Variants in RBFOX3 observed in about 807,000 individuals in gnomAD.
RBFOX3 encodes RNA binding protein fox-1 homolog 3.
A neutral mutation model predicts 48.7 loss-of-function variants in RBFOX3; 17 were observed. That is an observed-to-expected ratio of 0.35 (90% CI 0.24 to 0.52). RBFOX3 has a LOEUF of 0.52. Ranked by LOEUF, RBFOX3 falls within the 20% of genes least tolerant of loss-of-function variation. The pLI is 0.94. For synonymous variants in RBFOX3, 212 were observed against 209.5 expected (o/e 1.01, Z -0.10); for missense variants, 382 against 497.5 (o/e 0.77, Z 2.21).
rs572038627 is a variant in RBFOX3, at chr17:79,149,491, A to G, written c.-33-33743T>C. 2.8e-3 allele frequency among the ~76,000 whole-genome samples: 428 copies of G among 152,178 alleles called. 3 individuals carry two copies. The highest frequency in any genetic ancestry group is 9.4e-3 in the African/African-American group (391 of 41,518). On this transcript the variant is annotated intron_variant, in intron 4 of 14. Transcript: ENST00000693108. ...TGGACACGAGAGTGGACCTGGCCTC[A>G]GTGAGAAGGACTTTGGTGGGCTGTG...
At chr17:79,404,019 G>A (rs1216291212) in intron 2 of RBFOX3, among the ~76,000 whole-genome samples, 2 of 152,030 alleles carry the variant, frequency 1.3e-5, no homozygotes, top group Non-Finnish European at 2.9e-5. Context: ...ACCTCGTGAT[G>A]CACCCATCTT....
At chr17:79,656,007 G>A in the RBFOX3 span, among the ~76,000 whole-genome samples, 5 of 152,102 alleles carry the variant, frequency 3.3e-5, no homozygotes, top group Non-Finnish European at 7.4e-5. Context: ...CTTCTGCAGG[G>A]ACCCCGAGGG....
rs561599116 is a variant in RBFOX3 at position 79,259,276 on chromosome 17, G to A, written c.-73-23471C>T. Among the ~76,000 whole-genome samples the A allele has an allele frequency of 8.5e-5, 13 of 152,354 alleles. No homozygotes were observed. In the East Asian group the frequency reaches 2.1e-3, roughly 25 times the overall value. On this transcript the variant is annotated intron_variant, in intron 3 of 14. Coordinates refer to ENST00000693108, the MANE Select transcript of RBFOX3 (RefSeq NM_001350451.2). ...GGGCTGTGCTGTCCTCGGGTCGAGGGTGGAGCAGGAGTGGGGAGTGGGCAC... is the reference window on the plus strand; with the variant it reads ...GGGCTGTGCTGTCCTCGGGTCGAGGATGGAGCAGGAGTGGGGAGTGGGCAC...
intron 2 of RBFOX3, among the ~76,000 whole-genome samples, chr17:79,463,538 TCCA>T (rs1243092306): frequency 1.3e-5 from 1 of 77,014 alleles, no homozygotes; most frequent in African/African-American, 5.6e-5. Context: ...CACTGCCACC[TCCA>T]CCACCATCAC....
intron 2 of RBFOX3, among the ~76,000 whole-genome samples, chr17:79,337,282 T>C (rs1306973785): frequency 6.6e-6 from 1 of 152,182 alleles, no homozygotes; most frequent in Non-Finnish European, 1.5e-5. Context: ...CCAGGTGGGA[T>C]GGAGCCACAC....
intron 2 of RBFOX3, among the ~76,000 whole-genome samples, chr17:79,332,721 G>A (rs942405616): frequency 1.0e-4 from 13 of 124,724 alleles, no homozygotes; most frequent in Non-Finnish European, 1.4e-4. Flanking sequence ...GAAAGACAGA[G>A]CCTGAGAGAC....
chr17:79,486,673 C>T (rs2079652859), intron 1 of RBFOX3, among the ~76,000 whole-genome samples: 1 of 152,186 alleles, frequency 6.6e-6, no homozygotes, highest in South Asian at 2.1e-4. Context: ...GAGGCTTAAG[C>T]ATCCCCAGAA....
intron 3 of RBFOX3, among the ~76,000 whole-genome samples, chr17:79,269,288 G>T (rs539119594): frequency 7.9e-5 from 12 of 152,284 alleles, no homozygotes; most frequent in African/African-American, 2.9e-4. Flanking sequence ...CCCACACCCT[G>T]ACTTCAGAGT....
At chr17:79,342,755 A>G (rs903402149) in intron 2 of RBFOX3, among the ~76,000 whole-genome samples, 1 of 152,242 alleles carries the variant, frequency 6.6e-6, no homozygotes, top group Non-Finnish European at 1.5e-5. Context: ...ATAAATTAAA[A>G]ACAAAACAGG....
intron 2 of RBFOX3, among the ~76,000 whole-genome samples, chr17:79,408,038 ACTTCCGATC>A (rs1336233364): frequency 6.6e-6 from 1 of 151,990 alleles, no homozygotes; most frequent in Non-Finnish European, 1.5e-5. Context: ...CGCCAGCCCC[ACTTCCGATC>A]CTGCCCTGAC....
intron 5 of RBFOX3, among the ~76,000 whole-genome samples, chr17:79,112,738 G>T (rs893522108): frequency 2.0e-5 from 3 of 152,140 alleles, no homozygotes; most frequent in Admixed American, 6.5e-5. Context: ...CCTCTCCACT[G>T]CCCTGGCCAC....
chr17:79,173,043 T>C (rs1359048107), intron 4 of RBFOX3, among the ~76,000 whole-genome samples: 1 of 152,138 alleles, frequency 6.6e-6, no homozygotes, highest in Non-Finnish European at 1.5e-5. Context: ...ACCCCATCTC[T>C]ACTAAAAATA....
At chr17:79,340,949 T>C (rs2081991738) in intron 2 of RBFOX3, among the ~76,000 whole-genome samples, 1 of 152,246 alleles carries the variant, frequency 6.6e-6, no homozygotes, top group South Asian at 2.1e-4. Context: ...GTTTCAGTTC[T>C]GTGTCTAAGC....
intron 9 of RBFOX3, chr17:79,099,532 C>G (rs1000047913): frequency 2.0e-5 from 3 of 152,258 alleles, no homozygotes; most frequent in African/African-American, 7.2e-5. Flanking sequence ...GACCCCAAGC[C>G]CAGACTCCCC....
chr17:79,527,243 G>T lies in RBFOX3; in HGVS notation c.-319-44645C>A, dbSNP rs1390757097. Among the ~76,000 whole-genome samples, 8 of 152,376 alleles carry T rather than the reference G, an allele frequency of 5.3e-5. No individual in the cohort carries two copies. In the East Asian group the frequency reaches 1.5e-3, roughly 29 times the overall value. On this transcript the variant is annotated intron_variant, in intron 1 of 14. Coordinates refer to ENST00000693108, the MANE Select transcript of RBFOX3 (RefSeq NM_001350451.2). ...ACGCCTGCCACCTCTTCCCTGCCAG[G>T]AGCTTCAATTCAGTTGGCTGGAAGC...
Position 79,423,389 on chromosome 17 carries a change from T to A in RBFOX3, c.-175+59065A>T, listed in dbSNP as rs1555723799. ...GCACAGACCCCAACCCTACCTCCAGTGTGGTCCGGCGCCACCACCTCTGCC... is the reference window on the plus strand; with the variant it reads ...GCACAGACCCCAACCCTACCTCCAGAGTGGTCCGGCGCCACCACCTCTGCC... On this transcript the variant is annotated intron_variant, in intron 2 of 14. Transcript: ENST00000693108. This position sits in a 1 kb window ranked among gnomAD's most constrained non-coding sequence, Gnocchi z 4.9. Among the ~76,000 whole-genome samples the A allele has an allele frequency of 1.3e-5, 2 of 152,096 alleles. No individual in the cohort carries two copies.
Position 79,524,067 on chromosome 17 carries a change from T to A in RBFOX3, c.-319-41469A>T, listed in dbSNP as rs1006086160. 1.8e-3 allele frequency among the ~76,000 whole-genome samples: 280 copies of A among 152,306 alleles called. 7 individuals carry two copies. In the Middle Eastern group the frequency reaches 0.02, roughly 11 times the overall value. Reference sequence around the variant, plus strand: ...ATTAAAGCCAGGGAGTTGGGTTAAATGGTCCTTAAGATCCCTTTGAAGTCC... The same window carrying A: ...ATTAAAGCCAGGGAGTTGGGTTAAAAGGTCCTTAAGATCCCTTTGAAGTCC... On this transcript the variant is annotated intron_variant, in intron 1 of 14. Coordinates refer to ENST00000693108, the MANE Select transcript of RBFOX3 (RefSeq NM_001350451.2).
At chr17:79,125,867 G>A (rs550895693) in intron 4 of RBFOX3, among the ~76,000 whole-genome samples, 6 of 152,348 alleles carry the variant, frequency 3.9e-5, no homozygotes, top group South Asian at 2.1e-4. Context: ...GAGGGGGAAC[G>A]CCAGGCCCCA....
At chr17:79,246,742 C>T (rs903039272) in intron 3 of RBFOX3, among the ~76,000 whole-genome samples, 2 of 152,192 alleles carry the variant, frequency 1.3e-5, no homozygotes, top group African/African-American at 2.4e-5. Context: ...CCTGAAGAGG[C>T]ACCACCTCTC....
Sources: allele counts gnomAD v4.1 joint callset (sites outside exome capture counted in the v4.1 genomes callset), GRCh38; gene constraint gnomAD v4.1.1; non-coding constraint Gnocchi (gnomAD v3.1); transcripts MANE v1.5; gene names NCBI Gene and HGNC (gene_info 2026-07-23, HGNC 2026-07-21).